The following CDADC1 variants were observed in gnomAD, a reference collection of about 807,000 sequenced individuals.
CDADC1 encodes dCTP deaminase.
In CDADC1, 39 loss-of-function variants were observed where a neutral mutation model predicts 54.9. The ratio of observed to expected loss-of-function variants is 0.71; its 90% CI spans 0.55 to 0.93. The LOEUF (loss-of-function observed/expected upper bound fraction) is 0.93, where lower values mean the gene tolerates loss of function less well. Ranked by LOEUF, CDADC1 falls within the 40% of genes least tolerant of loss-of-function variation. The pLI, the probability that CDADC1 is intolerant of heterozygous loss-of-function variation, is 0.00. For synonymous variants in CDADC1, 186 were observed against 204.0 expected, an observed-to-expected ratio of 0.91 and a Z score of 0.75; for missense variants, 518 against 618.8, an observed-to-expected ratio of 0.84 and a Z score of 1.73.
intron 3 of CDADC1, among the ~76,000 whole-genome samples, 188 bp from the exon 4 acceptor site, chr13:49,259,158 T>G (rs1239292887): frequency 6.6e-6 from 1 of 152,230 alleles, no homozygotes; most frequent in Non-Finnish European, 1.5e-5. Context: ...TTTAGAAAAT[T>G]TCTGGCCTAA....
At chr13:49,248,224 T>C in intron 1 of CDADC1, 105 bp downstream of exon 1, 1 of 1,035,304 alleles carries the variant, frequency 9.7e-7, no homozygotes, top group Non-Finnish European at 1.4e-6. Flanking sequence ...TTGCCTCCCC[T>C]GCTGCTTTTG....
intron 3 of CDADC1, among the ~76,000 whole-genome samples, chr13:49,257,073 A>T (rs61131788): frequency 0.011 from 1,631 of 152,328 alleles, 23 homozygotes; most frequent in African/African-American, 0.037. Context: ...AGTTGTGGTA[A>T]ATGGAAGTGC....
At position 49,280,682 on chromosome 13, in the gene CDADC1, G is replaced by C; in HGVS notation, c.1394G>C (p.Gly465Ala). 1 of 1,575,082 alleles carries C rather than the reference G, an allele frequency of 6.3e-7. No individual in the cohort carries two copies. The highest frequency in any genetic ancestry group is 8.6e-7 in the Non-Finnish European group (1 of 1,164,318). ...TACATGAGGTTCGGGGAGCTTGAAG[G>C]TGTTAGCAAATTTACGGTAAGTAGA... ...ISYMRFGELE[G>A]VSKFTWQLNP... The change falls in exon 8 of 10, where the codon GGT (glycine) becomes GCT (alanine). Residue 465 changes from glycine (G) to alanine (A), a missense_variant. Physicochemically the swap from Gly to Ala is moderately conservative, Grantham distance 60. Transcript: ENST00000251108.
intron 6 of CDADC1, among the ~76,000 whole-genome samples, 175 bp downstream of exon 6, chr13:49,274,515 A>G (rs184993447): frequency 0.011 from 1,597 of 151,570 alleles, 21 homozygotes; most frequent in African/African-American, 0.036. Context: ...AAAAAAAAAT[A>G]CAAAAATTAG....
intron 8 of CDADC1, among the ~76,000 whole-genome samples, chr13:49,283,094 T>A (rs970240326): frequency 2.6e-5 from 4 of 152,200 alleles, no homozygotes; most frequent in African/African-American, 9.6e-5. Context: ...AAGAACCGTT[T>A]ATATATTTCA....
At chr13:49,285,159 CTTTTCTTTTTTTTTTCTT>C (rs1262580321) in intron 8 of CDADC1, among the ~76,000 whole-genome samples, 5 of 148,708 alleles carry the variant, frequency 3.4e-5, no homozygotes, top group South Asian at 2.1e-4. Flanking sequence ...TTTTCTTTTT[CTTTTCTTTTTTTTTTCTT>C]TTTTCTTTTT....
Position 49,267,763 on chromosome 13 carries a change from G to A in CDADC1, c.704G>A (p.Arg235Lys), listed in dbSNP as rs779731864. ...TTTTATTATGAATGTAAACAAGAAA[G>A]AATAAAAGAATATGAAATGTTATTT... is the stretch of plus-strand genomic sequence containing the variant. ...TDFYYECKQE[R>K]IKEYEMLFLV... Residue 235 changes from arginine to lysine, a missense_variant, in exon 5 of 10, where the codon AGA (arginine) becomes AAA (lysine). By Grantham distance (26) the Arg-to-Lys change is conservative. Coordinates refer to ENST00000251108, the MANE Select transcript of CDADC1 (RefSeq NM_030911.4). 53 of 1,611,436 alleles carry A rather than the reference G, an allele frequency of 3.3e-5. No homozygotes were observed. The highest frequency in any genetic ancestry group is 4.3e-5 in the Non-Finnish European group (51 of 1,178,488).
intron 4 of CDADC1, among the ~76,000 whole-genome samples, chr13:49,262,939 G>A (rs1952721070): frequency 1.3e-5 from 2 of 152,162 alleles, no homozygotes; most frequent in Admixed American, 6.5e-5. Flanking sequence ...GGTCCTTGAT[G>A]AAACAGTAAA....
intron 5 of CDADC1, among the ~76,000 whole-genome samples, chr13:49,270,957 C>T (rs938894275): frequency 1.7e-4 from 26 of 152,176 alleles, no homozygotes; most frequent in Admixed American, 1.6e-3. Context: ...GACCTCATTT[C>T]TCCCTAATTA....
chr13:49,267,746 T>A lies in CDADC1; in HGVS notation c.687T>A (p.Tyr229Ter), dbSNP rs750328984. The A allele has an allele frequency of 6.2e-7, 1 of 1,610,732 alleles. No homozygotes were observed. The highest frequency in any genetic ancestry group is 1.1e-5 in the South Asian group (1 of 90,170). Residue 229 changes from tyrosine to a stop codon, truncating the protein, a stop_gained, in exon 5 of 10, where the codon TAT becomes TAA. Coordinates refer to ENST00000251108, the MANE Select transcript of CDADC1 (RefSeq NM_030911.4). LOFTEE classifies it high-confidence loss of function. ...CGGATGCTAACACTGACTTTTATTA[T>A]GAATGTAAACAAGAAAGAATAAAAG... is the stretch of plus-strand genomic sequence containing the variant. ...TLPDANTDFY[Y>*]ECKQERIKEY...
At chr13:49,269,629 A>G (rs1332740874) in intron 5 of CDADC1, among the ~76,000 whole-genome samples, 1 of 152,236 alleles carries the variant, frequency 6.6e-6, no homozygotes, top group Non-Finnish European at 1.5e-5. Context: ...AAACCATTCA[A>G]AAAGATAGAA....
rs776266555 is a variant in CDADC1, at chr13:49,263,362, C to T, written c.430+3839C>T. Among the ~76,000 whole-genome samples the T allele has an allele frequency of 2.2e-4, 34 of 152,110 alleles. 1 individual carries two copies. The highest frequency in any genetic ancestry group is 2.1e-3 in the Admixed American group (32 of 15,260). Reference sequence around the variant, plus strand: ...TGGGATTGGTGGTGATATTAATGAACGGGATTTTTTTTAATATTGTAAAAT... The same window carrying T: ...TGGGATTGGTGGTGATATTAATGAATGGGATTTTTTTTAATATTGTAAAAT... On this transcript the variant is annotated intron_variant, in intron 4 of 9. Transcript: ENST00000251108.
At chr13:49,283,220 G>A (rs941770730) in intron 8 of CDADC1, among the ~76,000 whole-genome samples, 1 of 151,906 alleles carries the variant, frequency 6.6e-6, no homozygotes, top group Non-Finnish European at 1.5e-5. Context: ...TTTAAATATA[G>A]AAACATACTA....
At chr13:49,256,309 A>G (rs963126344) in intron 3 of CDADC1, among the ~76,000 whole-genome samples, 3 of 152,184 alleles carry the variant, frequency 2.0e-5, no homozygotes, top group South Asian at 2.1e-4. Flanking sequence ...GGTTGAGGTA[A>G]TATCTCCCTC....
chr13:49,268,392 G>A (rs1391513312), intron 5 of CDADC1, among the ~76,000 whole-genome samples: 1 of 152,120 alleles, frequency 6.6e-6, no homozygotes, highest in Non-Finnish European at 1.5e-5. Context: ...CCAGTGCAGT[G>A]GTTCATGCCT....
chr13:49,249,066 G>C (rs959848557), intron 2 of CDADC1, 101 bp downstream of exon 2: 17 of 713,654 alleles, frequency 2.4e-5, no homozygotes, highest in Admixed American at 2.0e-4. Context: ...ACTTAACAAG[G>C]CTTAAGATTT....
In CDADC1 at chr13:49,274,280, A is replaced by T. The variant is rs548191296; in HGVS notation, c.1001-11A>T. The T allele has an allele frequency of 1.6e-5, 26 of 1,602,806 alleles. No individual in the cohort carries two copies. The African/African-American group carries it at 3.2e-4, about 20-fold the overall frequency. On this transcript the variant is annotated splice_polypyrimidine_tract_variant and intron_variant, in intron 5 of 9. Transcript: ENST00000251108. ...TAATTTTTACTGAGTTAAATGCCATATATCTTTCAGAGGATCATAAAACAG... is the reference window on the plus strand; with the variant it reads ...TAATTTTTACTGAGTTAAATGCCATTTATCTTTCAGAGGATCATAAAACAG...
intron 2 of CDADC1, among the ~76,000 whole-genome samples, chr13:49,253,134 G>A (rs1336027079): frequency 6.6e-6 from 1 of 152,126 alleles, no homozygotes; most frequent in African/African-American, 2.4e-5. Flanking sequence ...ATACCAAGAT[G>A]CAATTAGACA....
intron 2 of CDADC1, among the ~76,000 whole-genome samples, chr13:49,251,971 G>A (rs181316423): frequency 1.6e-3 from 250 of 152,110 alleles, no homozygotes; most frequent in African/African-American, 5.9e-3. Context: ...ATTTTATTTG[G>A]GATCTTATTT....
Sources: gnomAD v4.1 joint callset for allele counts (sites outside exome capture counted in the v4.1 genomes callset) on GRCh38, gnomAD v4.1.1 for gene constraint, MANE v1.5 for transcripts, NCBI Gene and HGNC (gene_info 2026-07-23, HGNC 2026-07-21) for gene names.